PLXDC2: variants seen among roughly 807,000 people sequenced by gnomAD.
PLXDC2 encodes plexin domain containing 2.
Under a neutral mutation model 68.9 loss-of-function variants are expected in PLXDC2, and 40 were observed. The observed-to-expected ratio is 0.58, with a 90% CI of 0.45 to 0.76. PLXDC2 has a LOEUF of 0.76. Among genes scored for constraint, PLXDC2 ranks in the 30% least tolerant of loss-of-function variants. The pLI, the probability that PLXDC2 is intolerant of heterozygous loss-of-function variation, is 0.00. For synonymous variants in PLXDC2, 243 were observed against 234.2 expected, an observed-to-expected ratio of 1.04 and a Z score of -0.34; for missense variants, 644 against 661.9, an observed-to-expected ratio of 0.97 and a Z score of 0.30.
rs72785817 is a variant in PLXDC2, at chr10:19,899,084, C to T, written c.112+81893C>T. Reference sequence around the variant, plus strand: ...ACATGTAGAATTCACTCAGGATTTGCGAAGGGGAAGGTAACCATTTTCTTT... The same window carrying T: ...ACATGTAGAATTCACTCAGGATTTGTGAAGGGGAAGGTAACCATTTTCTTT... On this transcript the variant is annotated intron_variant, in intron 1 of 13. Coordinates refer to ENST00000377252, the MANE Select transcript of PLXDC2 (RefSeq NM_032812.9). 4.6e-5 allele frequency among the ~76,000 whole-genome samples: 7 copies of T among 152,170 alleles called. No individual in the cohort carries two copies. In the South Asian group the frequency reaches 1.2e-3, roughly 27 times the overall value.
intron 6 of PLXDC2, among the ~76,000 whole-genome samples, chr10:20,158,704 T>A (rs1482559281): frequency 6.7e-6 from 1 of 148,688 alleles, no homozygotes; most frequent in Non-Finnish European, 1.5e-5. Flanking sequence ...TAAATATTTT[T>A]AAAAGTAGTT....
At chr10:20,133,773 T>C (rs937739754) in intron 4 of PLXDC2, among the ~76,000 whole-genome samples, 31 of 152,196 alleles carry the variant, frequency 2.0e-4, no homozygotes, top group African/African-American at 7.2e-4. Context: ...TTTTCTGTTA[T>C]TGTTTATGCA....
intron 13 of PLXDC2, among the ~76,000 whole-genome samples, chr10:20,246,442 C>G (rs559141409): frequency 6.6e-6 from 1 of 152,178 alleles, no homozygotes; most frequent in African/African-American, 2.4e-5. Context: ...CTCTGCCTTC[C>G]GGGTTCAAGC....
intron 1 of PLXDC2, among the ~76,000 whole-genome samples, chr10:19,877,666 C>T (rs549338055): frequency 3.5e-4 from 53 of 152,340 alleles, no homozygotes; most frequent in African/African-American, 1.2e-3. Flanking sequence ...ATGGCACCGG[C>T]GTTCCCGAAT....
At chr10:20,247,888 G>T (rs539488692) in intron 13 of PLXDC2, among the ~76,000 whole-genome samples, 1 of 152,284 alleles carries the variant, frequency 6.6e-6, no homozygotes, top group East Asian at 1.9e-4. Context: ...TTTGATATCA[G>T]TAATTGAGAT....
chr10:19,875,591 G>A (rs977190328), intron 1 of PLXDC2, among the ~76,000 whole-genome samples: 1 of 152,216 alleles, frequency 6.6e-6, no homozygotes, highest in African/African-American at 2.4e-5. Context: ...TGTATGGTGT[G>A]TGTGTGCACA....
intron 1 of PLXDC2, among the ~76,000 whole-genome samples, chr10:19,942,659 G>T (rs1201245351): frequency 1.3e-5 from 2 of 152,050 alleles, no homozygotes; most frequent in Non-Finnish European, 2.9e-5. Flanking sequence ...AGCTATTCAG[G>T]TGGCTGAAGC....
intron 4 of PLXDC2, among the ~76,000 whole-genome samples, chr10:20,072,930 T>C (rs1229106720): frequency 6.6e-6 from 1 of 152,212 alleles, no homozygotes; most frequent in Non-Finnish European, 1.5e-5. Flanking sequence ...TATAATCAGA[T>C]AGTCCTATTT....
At chr10:20,094,478 G>C (rs1448394281) in intron 4 of PLXDC2, among the ~76,000 whole-genome samples, 4 of 152,146 alleles carry the variant, frequency 2.6e-5, no homozygotes, top group African/African-American at 9.7e-5. Context: ...TGCTCTCGAA[G>C]TGATTCATAA....
At chr10:20,047,142 G>A (rs1270280326) in intron 3 of PLXDC2, 127 bp downstream of exon 3, 16 of 918,626 alleles carry the variant, frequency 1.7e-5, no homozygotes, top group South Asian at 2.5e-5. Flanking sequence ...TGTGGTAATC[G>A]CTTTTCAAGT....
intron 1 of PLXDC2, among the ~76,000 whole-genome samples, chr10:19,920,130 G>A (rs572968905): frequency 6.6e-5 from 10 of 152,274 alleles, no homozygotes; most frequent in South Asian, 4.1e-4. Flanking sequence ...ATTCCCAACC[G>A]TGAGGCCAAG....
At chr10:20,129,535 A>ATG (rs1368881031) in intron 4 of PLXDC2, among the ~76,000 whole-genome samples, 2 of 149,468 alleles carry the variant, frequency 1.3e-5, no homozygotes, top group East Asian at 3.9e-4. Flanking sequence ...ACATATATAT[A>ATG]TATACACATA....
intron 3 of PLXDC2, among the ~76,000 whole-genome samples, chr10:20,052,804 C>T (rs111753217): frequency 2.7e-5 from 4 of 149,984 alleles, no homozygotes; most frequent in East Asian, 3.9e-4. Flanking sequence ...AGAGGGCTAA[C>T]GATTTAGCCT....
intron 12 of PLXDC2, among the ~76,000 whole-genome samples, chr10:20,244,361 C>T (rs558622173): frequency 1.3e-5 from 2 of 152,214 alleles, no homozygotes; most frequent in South Asian, 2.1e-4. Context: ...AAATTTAATT[C>T]CTCCCTTTGC....
At chr10:20,125,025 T>G (rs1234987274) in intron 4 of PLXDC2, among the ~76,000 whole-genome samples, 1 of 152,138 alleles carries the variant, frequency 6.6e-6, no homozygotes, top group African/African-American at 2.4e-5. Context: ...TCTTAATTGC[T>G]TATAAATATT....
rs568442197 is a variant in PLXDC2 at position 19,860,505 on chromosome 10, G to A, written c.112+43314G>A. On this transcript the variant is annotated intron_variant, in intron 1 of 13. Coordinates refer to ENST00000377252, the MANE Select transcript of PLXDC2 (RefSeq NM_032812.9). Reference sequence around the variant, plus strand: ...AGTGTGCAATGTTCTGGCTGTTTTGGAAAATAGTTTTGGGGGAAATGAACC... The same window carrying A: ...AGTGTGCAATGTTCTGGCTGTTTTGAAAAATAGTTTTGGGGGAAATGAACC... Among the ~76,000 whole-genome samples the A allele has an allele frequency of 6.6e-5, 10 of 152,272 alleles. No homozygotes were observed. The South Asian group carries it at 1.5e-3, about 22-fold the overall frequency.
chr10:19,953,813 A>G (rs2131597213), intron 1 of PLXDC2, among the ~76,000 whole-genome samples: 1 of 152,320 alleles, frequency 6.6e-6, no homozygotes, highest in East Asian at 1.9e-4. Context: ...GTGAAATGAA[A>G]AGAAACCAGC....
At chr10:20,080,828 C>A (rs1836542474) in intron 4 of PLXDC2, among the ~76,000 whole-genome samples, 1 of 152,346 alleles carries the variant, frequency 6.6e-6, no homozygotes, top group African/African-American at 2.4e-5. Flanking sequence ...ACAGGCACAT[C>A]CAAAGACACA....
rs148632981 is a variant in PLXDC2, at chr10:20,180,507, T to C, written c.1061+3098T>C. ...GACTTTAGAGCTTTTATGAACAAAT[T>C]CAACAAAACAGGAGAAGTCTTATCC... On this transcript the variant is annotated intron_variant, in intron 9 of 13. Coordinates refer to ENST00000377252, the MANE Select transcript of PLXDC2 (RefSeq NM_032812.9). 2.2e-4 allele frequency among the ~76,000 whole-genome samples: 33 copies of C among 152,126 alleles called. No individual in the cohort carries two copies. The East Asian group carries it at 6.2e-3, about 29-fold the overall frequency.
Sources: allele counts gnomAD v4.1 joint callset (sites outside exome capture counted in the v4.1 genomes callset), GRCh38; gene constraint gnomAD v4.1.1; transcripts MANE v1.5; gene names NCBI Gene and HGNC (gene_info 2026-07-23, HGNC 2026-07-21).